DPYSL3: variants seen among roughly 807,000 people sequenced by gnomAD.
DPYSL3 encodes the protein dihydropyrimidinase like 3.
Under a neutral mutation model 66.1 loss-of-function variants are expected in DPYSL3, and 16 were observed. The observed-to-expected ratio is 0.24, with a 90% CI of 0.16 to 0.37. The LOEUF is 0.37. DPYSL3 is among the 10% of genes least tolerant of loss of function. The pLI, the probability that DPYSL3 is intolerant of heterozygous loss-of-function variation, is 1.00. For synonymous variants in DPYSL3, 338 were observed against 345.1 expected (o/e 0.98, Z 0.23); for missense variants, 738 against 916.2 (o/e 0.81, Z 2.51).
At chr5:147,404,929 G>A (rs1758290901) in intron 8 of DPYSL3, among the ~76,000 whole-genome samples, 1 of 152,098 alleles carries the variant, frequency 6.6e-6, no homozygotes, top group South Asian at 2.1e-4. Flanking sequence ...TCATCCCCGG[G>A]GTGTTTACTG....
At chr5:147,481,780 C>T (rs1035622349) in intron 1 of DPYSL3, among the ~76,000 whole-genome samples, 1 of 152,204 alleles carries the variant, frequency 6.6e-6, no homozygotes. Context: ...TGACATGGCA[C>T]AAAGGGCCTT....
intron 1 of DPYSL3, among the ~76,000 whole-genome samples, chr5:147,430,328 T>C (rs1752285707): frequency 6.6e-6 from 1 of 151,190 alleles, no homozygotes; most frequent in African/African-American, 2.4e-5. Flanking sequence ...AAACCCTGTA[T>C]CTACTAAAAA....
At chr5:147,403,838 C>T (rs1398270011) in intron 8 of DPYSL3, among the ~76,000 whole-genome samples, 1 of 152,070 alleles carries the variant, frequency 6.6e-6, no homozygotes, top group Non-Finnish European at 1.5e-5. Context: ...GAAATAATAC[C>T]CCCATTCCAC....
rs182232563 is a variant in DPYSL3 at position 147,432,273 on chromosome 5, C to T, written c.382-7310G>A. Among the ~76,000 whole-genome samples, 23 of 152,268 alleles carry T rather than the reference C, an allele frequency of 1.5e-4. No individual in the cohort carries two copies. The East Asian group carries it at 2.7e-3, about 18-fold the overall frequency. ...TTATTATCTTTGGTTTAGCCCTAGA[C>T]GGACAGACACAAGGTAGGAAAAACA... On this transcript the variant is annotated intron_variant, in intron 1 of 13. Coordinates refer to ENST00000343218, the MANE Select transcript of DPYSL3 (RefSeq NM_001197294.2).
intron 10 of DPYSL3, among the ~76,000 whole-genome samples, chr5:147,400,168 G>A (rs557563317): frequency 1.8e-4 from 28 of 152,112 alleles, no homozygotes; most frequent in African/African-American, 4.3e-4. Flanking sequence ...TATTTCTTTC[G>A]TCAGTCCTTG....
At chr5:147,405,147 C>T (rs1484719385) in intron 8 of DPYSL3, among the ~76,000 whole-genome samples, 1 of 152,278 alleles carries the variant, frequency 6.6e-6, no homozygotes, top group South Asian at 2.1e-4. Context: ...AAGGAGTAAG[C>T]GTGACAAACA....
intron 1 of DPYSL3, among the ~76,000 whole-genome samples, chr5:147,490,806 T>G (rs1753404638): frequency 6.6e-6 from 1 of 151,866 alleles, no homozygotes; most frequent in Admixed American, 6.6e-5. Context: ...GAACTGCAAT[T>G]GGTTAATTGC....
At chr5:147,492,386 G>C (rs1031796050) in intron 1 of DPYSL3, among the ~76,000 whole-genome samples, 1 of 151,996 alleles carries the variant, frequency 6.6e-6, no homozygotes, top group African/African-American at 2.4e-5. Flanking sequence ...TGAAAACTTT[G>C]TTTTTCCTAT....
chr5:147,426,761 T>C (rs1752206026), intron 1 of DPYSL3, among the ~76,000 whole-genome samples: 1 of 152,186 alleles, frequency 6.6e-6, no homozygotes. Flanking sequence ...GATTTGAAGG[T>C]AGGCCCCATC....
intron 1 of DPYSL3, among the ~76,000 whole-genome samples, chr5:147,482,232 G>A (rs993701202): frequency 3.9e-5 from 6 of 152,100 alleles, no homozygotes; most frequent in African/African-American, 1.4e-4. Context: ...ATAAACAATA[G>A]CTATCAGTTT....
chr5:147,472,763 C>T (rs1753103446), intron 1 of DPYSL3: 1 of 152,082 alleles, frequency 6.6e-6, no homozygotes, highest in Non-Finnish European at 1.5e-5. Flanking sequence ...GTCCATATTT[C>T]TAATCTCCCT....
intron 1 of DPYSL3, among the ~76,000 whole-genome samples, chr5:147,470,155 G>C (rs1753065203): frequency 6.6e-6 from 1 of 152,110 alleles, no homozygotes; most frequent in Non-Finnish European, 1.5e-5. Flanking sequence ...GTCAGCTGAG[G>C]TGTCCATTGA....
chr5:147,501,322 G>A (rs1384252415), intron 1 of DPYSL3, among the ~76,000 whole-genome samples: 2 of 151,998 alleles, frequency 1.3e-5, no homozygotes, highest in African/African-American at 2.4e-5. Flanking sequence ...AGAGAATGAT[G>A]AACAGAGAGA....
chr5:147,468,306 A>T (rs1753039398), intron 1 of DPYSL3, among the ~76,000 whole-genome samples: 1 of 152,230 alleles, frequency 6.6e-6, no homozygotes, highest in Non-Finnish European at 1.5e-5. Flanking sequence ...CCTGGAAATC[A>T]CTTGTAGAGC....
intron 1 of DPYSL3, among the ~76,000 whole-genome samples, chr5:147,474,865 C>T (rs1243767460): frequency 6.6e-6 from 1 of 151,966 alleles, no homozygotes; most frequent in Non-Finnish European, 1.5e-5. Flanking sequence ...GTGTAACTAT[C>T]ATCACAATCT....
At chr5:147,440,973 G>A (rs1413858271) in intron 1 of DPYSL3, among the ~76,000 whole-genome samples, 2 of 152,044 alleles carry the variant, frequency 1.3e-5, no homozygotes, top group African/African-American at 4.8e-5. Context: ...TTTGTAAAGT[G>A]GGTTAATAAT....
At chr5:147,451,678 G>C (rs1752730728) in intron 1 of DPYSL3, among the ~76,000 whole-genome samples, 1 of 152,130 alleles carries the variant, frequency 6.6e-6, no homozygotes, top group Non-Finnish European at 1.5e-5. Flanking sequence ...AGGAAAACTA[G>C]CAAATATATA....
intron 1 of DPYSL3, among the ~76,000 whole-genome samples, chr5:147,506,899 G>C (rs1378957607): frequency 1.3e-5 from 2 of 152,166 alleles, no homozygotes; most frequent in Admixed American, 1.3e-4. Flanking sequence ...TAGTCTTACA[G>C]GATCATGGCA....
At chr5:147,465,524 C>T (rs916044060) in intron 1 of DPYSL3, among the ~76,000 whole-genome samples, 1 of 152,018 alleles carries the variant, frequency 6.6e-6, no homozygotes. Flanking sequence ...GGTCTCAAGC[C>T]CCTGACCTCA....
Sources: gnomAD v4.1 joint callset for allele counts (sites outside exome capture counted in the v4.1 genomes callset) on GRCh38, gnomAD v4.1.1 for gene constraint, MANE v1.5 for transcripts, NCBI Gene and HGNC (gene_info 2026-07-23, HGNC 2026-07-21) for gene names.